The following HIBCH variants were observed in gnomAD, a reference collection of about 807,000 sequenced individuals.
HIBCH encodes the protein 3-hydroxyisobutyryl-CoA hydrolase, also known as 3-hydroxyisobutyryl-CoA hydrolase, mitochondrial.
A neutral mutation model predicts 58.2 loss-of-function variants in HIBCH; 50 were observed. That is an observed-to-expected ratio of 0.86 (90% confidence interval 0.68 to 1.09). The LOEUF (loss-of-function observed/expected upper bound fraction) is 1.09, where lower values mean the gene tolerates loss of function less well. Among genes scored for constraint, HIBCH ranks in the 50% least tolerant of loss-of-function variants. The pLI is 0.00. For synonymous variants in HIBCH, 151 were observed against 146.9 expected (o/e 1.03, Z -0.20); for missense variants, 450 against 449.7 (o/e 1.00, Z -0.01).
chr2:190,253,422 TA>T (rs1198098672), intron 7 of HIBCH, among the ~76,000 whole-genome samples: 1 of 152,176 alleles, frequency 6.6e-6, no homozygotes, highest in Non-Finnish European at 1.5e-5. Context: ...CATGCTCCTG[TA>T]AACAGAAATA....
rs1394811765 is a variant in HIBCH, at chr2:190,206,503, A to G, written c.1046-1271T>C. ...ATTTCAAGCTAACAATTTTTTTACT[A>G]GAATACATACAAGTTCGTGCCATGT... is the stretch of plus-strand genomic sequence containing the variant. On this transcript the variant is annotated intron_variant, in intron 13 of 13. Transcript: ENST00000359678. The surrounding 1 kb of genome is among the most constrained non-coding windows in gnomAD (Gnocchi z 5.1). Among the ~76,000 whole-genome samples, 2 of 152,212 alleles carry G rather than the reference A, an allele frequency of 1.3e-5. No homozygotes were observed. The highest frequency in any genetic ancestry group is 4.8e-5 in the African/African-American group (2 of 41,454).
At chr2:190,193,355 T>C (rs187088145) in intron 1 of HIBCH, among the ~76,000 whole-genome samples, 2 of 152,278 alleles carry the variant, frequency 1.3e-5, no homozygotes, top group East Asian at 3.9e-4. Flanking sequence ...CTTCTGGGTC[T>C]ATGTTCATGA....
chr2:190,303,211 T>C (rs1399388299), intron 2 of HIBCH, among the ~76,000 whole-genome samples: 1 of 152,194 alleles, frequency 6.6e-6, no homozygotes, highest in Non-Finnish European at 1.5e-5. Context: ...ACATAGTGTA[T>C]ATGCATTCTA....
At chr2:190,258,038 T>C (rs1436103023) in intron 7 of HIBCH, among the ~76,000 whole-genome samples, 1 of 152,172 alleles carries the variant, frequency 6.6e-6, no homozygotes, top group Non-Finnish European at 1.5e-5. Context: ...TCAAATCTCA[T>C]GTTGAATTGT....
intron 1 of HIBCH, among the ~76,000 whole-genome samples, chr2:190,316,834 A>C (rs1194438188): frequency 2.0e-5 from 3 of 152,246 alleles, no homozygotes; most frequent in Non-Finnish European, 4.4e-5. Flanking sequence ...AAAGAGCAAG[A>C]ACCAAAACAA....
In HIBCH at chr2:190,206,290, A is replaced by G. The variant is rs1004069972; in HGVS notation, c.1046-1058T>C. Among the ~76,000 whole-genome samples, 1 of 152,202 alleles carries G rather than the reference A, an allele frequency of 6.6e-6. No homozygotes were observed. Among genetic ancestry groups the G allele is most frequent in the South Asian group, 2.1e-4 (1 of 4,826 alleles). On this transcript the variant is annotated intron_variant, in intron 13 of 13. Transcript: ENST00000359678. The surrounding 1 kb of genome is among the most constrained non-coding windows in gnomAD (Gnocchi z 5.1). ...TATCAGATCAGTGGCGATATTAAAT[A>G]CTGATGTTCTGATCCCTACTATTTG...
At chr2:190,200,051 G>T, downstream of HIBCH, 1 of 1,614,082 alleles carries the variant, frequency 6.2e-7, no homozygotes, top group Non-Finnish European at 8.5e-7. Flanking sequence ...TATGCACACC[G>T]CCTGTCTCAG....
chr2:190,263,991 C>T (rs898583772), intron 6 of HIBCH, among the ~76,000 whole-genome samples: 3 of 152,194 alleles, frequency 2.0e-5, no homozygotes, highest in Non-Finnish European at 4.4e-5. Context: ...TACGACCCTA[C>T]TTGAAGCCTT....
chr2:190,219,407 T>C (rs1685652371), intron 11 of HIBCH, among the ~76,000 whole-genome samples: 1 of 152,196 alleles, frequency 6.6e-6, no homozygotes. Flanking sequence ...ACTAGGCCCC[T>C]GTTTGGATAG....
chr2:190,227,100 A>G (rs1447328568), intron 11 of HIBCH, among the ~76,000 whole-genome samples: 2 of 152,148 alleles, frequency 1.3e-5, no homozygotes, highest in Non-Finnish European at 2.9e-5. Flanking sequence ...TATGGAACCA[A>G]AAAAGAGCCC....
chr2:190,223,068 CAAT>C (rs1459187545), intron 11 of HIBCH, among the ~76,000 whole-genome samples: 1 of 152,008 alleles, frequency 6.6e-6, no homozygotes. Flanking sequence ...GGGAGTTGAA[CAAT>C]AAGAACACAT....
Position 190,306,700 on chromosome 2 carries a change from C to A in HIBCH, c.78+4054G>T, listed in dbSNP as rs1293347330. 6.6e-6 allele frequency among the ~76,000 whole-genome samples: 1 copy of A among 152,142 alleles called. No homozygotes were observed. The highest frequency in any genetic ancestry group is 1.9e-4 in the East Asian group (1 of 5,204). Reference sequence around the variant, plus strand: ...CACCCATGAAATATTAAGAAGCTAACTATTAGCTTGTATAGTACTACAGAC... The same window carrying A: ...CACCCATGAAATATTAAGAAGCTAAATATTAGCTTGTATAGTACTACAGAC... On this transcript the variant is annotated intron_variant, in intron 2 of 13. Coordinates refer to ENST00000359678, the MANE Select transcript of HIBCH (RefSeq NM_014362.4). The surrounding 1 kb of genome is among the most constrained non-coding windows in gnomAD (Gnocchi z 4.6).
chr2:190,318,294 A>C (rs1045777408), intron 1 of HIBCH, among the ~76,000 whole-genome samples: 3 of 152,106 alleles, frequency 2.0e-5, no homozygotes, highest in Non-Finnish European at 4.4e-5. Flanking sequence ...CACTGGGGTA[A>C]GGAGAGGCGG....
chr2:190,251,675 G>GTT (rs869084473), intron 8 of HIBCH: 19 of 182,558 alleles, frequency 1.0e-4, no homozygotes, highest in South Asian at 7.2e-4. Flanking sequence ...TGGCCACATT[G>GTT]TTTTTTTTTT....
At chr2:190,223,785 G>T (rs1458372426) in intron 11 of HIBCH, among the ~76,000 whole-genome samples, 1 of 152,204 alleles carries the variant, frequency 6.6e-6, no homozygotes, top group Non-Finnish European at 1.5e-5. Flanking sequence ...TTGTTAAAAA[G>T]AGAACACAGA....
At position 190,296,962 on chromosome 2, in the gene HIBCH, A is replaced by G. The variant is rs747403548; in HGVS notation, c.79-9T>C. 6 of 1,613,718 alleles carry G rather than the reference A, an allele frequency of 3.7e-6. No homozygotes were observed. In the African/African-American group the frequency reaches 5.3e-5, roughly 14 times the overall value. ...GTGTGCTTGGACATTCTCTGTATAA[A>G]CAAAGAATAACTTTATGACAAAATT... is the stretch of plus-strand genomic sequence containing the variant. On this transcript the variant is annotated splice_polypyrimidine_tract_variant and intron_variant, in intron 2 of 13. Transcript: ENST00000359678.
chr2:190,233,684 G>T (rs1408254314), intron 11 of HIBCH, among the ~76,000 whole-genome samples: 1 of 152,142 alleles, frequency 6.6e-6, no homozygotes, highest in Non-Finnish European at 1.5e-5. Flanking sequence ...TTTACATCCA[G>T]GAGGATTCCT....
rs1186051371 is a variant in HIBCH, at chr2:190,214,305, C to T, written c.892-1230G>A. The T allele has an allele frequency of 6.6e-6, 1 of 152,188 alleles. No individual in the cohort carries two copies. The highest frequency in any genetic ancestry group is 1.5e-5 in the Non-Finnish European group (1 of 68,112). 9.4% of individuals were successfully genotyped at this position (152,188 alleles called of 1,614,324 possible). A position where few individuals can be genotyped will look rare whatever the true frequency, so the allele number is the denominator to read the frequency against. On this transcript the variant is annotated intron_variant, in intron 11 of 13. Transcript: ENST00000359678. This position sits in a 1 kb window ranked among gnomAD's most constrained non-coding sequence, Gnocchi z 5.5. ...AGAACCCGGAGTGTGCAAGAAACCT[C>T]CAGTAAGGGGGGCTGAGTACACAGC...
chr2:190,278,688 C>A (rs879677982), intron 6 of HIBCH, among the ~76,000 whole-genome samples: 1 of 145,360 alleles, frequency 6.9e-6, no homozygotes, highest in Non-Finnish European at 1.5e-5. Context: ...ATGCCTAGGT[C>A]TCATAGCACC....
Sources: allele counts gnomAD v4.1 joint callset (sites outside exome capture counted in the v4.1 genomes callset), GRCh38; gene constraint gnomAD v4.1.1; non-coding constraint Gnocchi (gnomAD v3.1); transcripts MANE v1.5; gene names NCBI Gene and HGNC (gene_info 2026-07-23, HGNC 2026-07-21).